TMEM131L: variants seen among roughly 807,000 people sequenced by gnomAD.
TMEM131L encodes the protein transmembrane 131 like, also known as transmembrane protein 131-like.
In TMEM131L, 54 loss-of-function variants were observed where a neutral mutation model predicts 192.2. The observed-to-expected ratio is 0.28, with a 90% CI of 0.23 to 0.35. The LOEUF is 0.35. TMEM131L is among the 10% of genes least tolerant of loss of function. The pLI is 1.00. For synonymous variants in TMEM131L, 701 were observed against 704.9 expected (o/e 0.99, Z 0.09); for missense variants, 1,888 against 1,972.9 (o/e 0.96, Z 0.82).
intron 7 of TMEM131L, among the ~76,000 whole-genome samples, chr4:153,560,197 T>G (rs1208007602): frequency 1.3e-5 from 2 of 152,232 alleles, no homozygotes; most frequent in African/African-American, 4.8e-5. Context: ...GCTTCACTAT[T>G]CTTTTCATCA....
intron 25 of TMEM131L, 98 bp from the exon 26 acceptor site, chr4:153,612,152 ACT>A: frequency 2.5e-6 from 2 of 796,368 alleles, no homozygotes; most frequent in Non-Finnish European, 3.8e-6. Flanking sequence ...ATTTAATTTA[ACT>A]CTCATGAAGT....
At chr4:153,609,413 C>G (rs911325711) in intron 25 of TMEM131L, among the ~76,000 whole-genome samples, 1 of 152,188 alleles carries the variant, frequency 6.6e-6, no homozygotes, top group Non-Finnish European at 1.5e-5. Flanking sequence ...CAGGCCCCTC[C>G]TCCAACATTG....
At chr4:153,626,723 C>G (rs369163650) in intron 30 of TMEM131L, among the ~76,000 whole-genome samples, 53 of 152,356 alleles carry the variant, frequency 3.5e-4, no homozygotes, top group East Asian at 2.7e-3. Context: ...TATGATCACA[C>G]CACTACACTC....
chr4:153,600,837 A>T (rs1184827099), intron 21 of TMEM131L, among the ~76,000 whole-genome samples: 1 of 152,192 alleles, frequency 6.6e-6, no homozygotes, highest in Non-Finnish European at 1.5e-5. Context: ...GAGGCCAGGC[A>T]TGGTGGCTTA....
chr4:153,482,898 A>G (rs941716442), intron 3 of TMEM131L, among the ~76,000 whole-genome samples: 11 of 152,148 alleles, frequency 7.2e-5, no homozygotes, highest in Non-Finnish European at 2.9e-5. Flanking sequence ...GTCCCTAAAA[A>G]CACTTTTGGT....
intron 3 of TMEM131L, among the ~76,000 whole-genome samples, chr4:153,490,969 AAAAAAG>A (rs1732738101): frequency 6.6e-6 from 1 of 151,516 alleles, no homozygotes; most frequent in African/African-American, 2.4e-5. Context: ...AAAAAAAAAA[AAAAAAG>A]AAAGCCTAAA....
chr4:153,484,710 C>T (rs1438418811), intron 3 of TMEM131L, among the ~76,000 whole-genome samples: 11 of 148,534 alleles, frequency 7.4e-5, no homozygotes, highest in South Asian at 2.1e-4. Flanking sequence ...CCTTGTGATC[C>T]GCCCGCCTCG....
intron 25 of TMEM131L, 129 bp from the exon 26 acceptor site, chr4:153,612,123 A>T (rs1244539728): frequency 3.5e-6 from 2 of 579,392 alleles, no homozygotes; most frequent in Non-Finnish European, 5.7e-6. Flanking sequence ...AGCATCATGG[A>T]TGTTAAAAAC....
chr4:153,580,832 A>G lies in TMEM131L; in HGVS notation c.667A>G (p.Thr223Ala), dbSNP rs753518350. 9.9e-6 allele frequency: 16 copies of G among 1,608,580 alleles called. No individual in the cohort carries two copies. The highest frequency in any genetic ancestry group is 1.2e-5 in the Non-Finnish European group (14 of 1,175,592). ...SIQLSQMQAE[T>A]TNTSLLQVQL... ...TCCTTTTTTCTTCTTTTAGGCAGAA[A>G]CCACTAATACTAGCCTCTTGCAGGT... is the stretch of plus-strand genomic sequence containing the variant. Residue 223 changes from threonine to alanine, a missense_variant, in exon 8 of 35, where the codon ACC (threonine) becomes GCC (alanine). Thr to Ala is a moderately conservative substitution (Grantham distance 58). Coordinates refer to ENST00000409959, the MANE Select transcript of TMEM131L (RefSeq NM_001131007.2).
Position 153,598,342 on chromosome 4 carries a change from C to T in TMEM131L, c.2124-248C>T, listed in dbSNP as rs74541325. On this transcript the variant is annotated intron_variant, in intron 20 of 34. Transcript: ENST00000409959. ...TGGGCTGTGGTTGGAAGGGGGTCAT[C>T]ATTGTTTACATGTTCTTGCTGCAGT... Among the ~76,000 whole-genome samples, 138 of 152,002 alleles carry T rather than the reference C, an allele frequency of 9.1e-4. 3 individuals carry two copies. The East Asian group carries it at 0.022, about 24-fold the overall frequency.
chr4:153,582,975 A>G (rs1730462698), intron 9 of TMEM131L, among the ~76,000 whole-genome samples: 1 of 151,890 alleles, frequency 6.6e-6, no homozygotes, highest in Non-Finnish European at 1.5e-5. Flanking sequence ...GTTGGTAGGC[A>G]TTTTTATGAG....
intron 3 of TMEM131L, among the ~76,000 whole-genome samples, chr4:153,534,913 G>C (rs1437138874): frequency 1.3e-5 from 2 of 152,234 alleles, no homozygotes; most frequent in African/African-American, 2.4e-5. Flanking sequence ...TACAGACCTG[G>C]AGAGGGGTGT....
intron 2 of TMEM131L, among the ~76,000 whole-genome samples, chr4:153,469,429 A>AT (rs1730999347): frequency 6.6e-6 from 1 of 152,068 alleles, no homozygotes; most frequent in Non-Finnish European, 1.5e-5. Flanking sequence ...AGTATTTTGA[A>AT]TTTTTTCAGC....
intron 26 of TMEM131L, among the ~76,000 whole-genome samples, chr4:153,615,158 A>C (rs948731673): frequency 2.6e-5 from 4 of 152,234 alleles, no homozygotes; most frequent in Non-Finnish European, 4.4e-5. Context: ...CCTTCTGCAA[A>C]ATAAGGATGA....
At chr4:153,547,871 C>T (rs965922586) in intron 3 of TMEM131L, among the ~76,000 whole-genome samples, 1 of 152,218 alleles carries the variant, frequency 6.6e-6, no homozygotes, top group African/African-American at 2.4e-5. Context: ...TCCTCCAAAC[C>T]TCATCTGTTC....
intron 3 of TMEM131L, among the ~76,000 whole-genome samples, chr4:153,477,377 G>C (rs2149770402): frequency 6.6e-6 from 1 of 152,330 alleles, no homozygotes; most frequent in Admixed American, 6.5e-5. Context: ...AGCCCATAGA[G>C]AGCTGTGTTG....
Position 153,617,221 on chromosome 4 carries a change from A to G in TMEM131L, c.3568-3535A>G, listed in dbSNP as rs147489976. 3.0e-4 allele frequency among the ~76,000 whole-genome samples: 45 copies of G among 152,318 alleles called. 1 individual carries two copies. The East Asian group carries it at 8.1e-3, about 27-fold the overall frequency. On this transcript the variant is annotated intron_variant, in intron 26 of 34. Coordinates refer to ENST00000409959, the MANE Select transcript of TMEM131L (RefSeq NM_001131007.2). ...AAGCTCCCTTCTCTTGTCTGCTGCC[A>G]TGTGAGACCTGCCTTTCACCTTCTG...
chr4:153,482,403 A>G (rs1040260633), intron 3 of TMEM131L, among the ~76,000 whole-genome samples: 3 of 152,190 alleles, frequency 2.0e-5, no homozygotes, highest in Admixed American at 6.5e-5. Flanking sequence ...TTCTTGGTAT[A>G]TATTAAAATT....
chr4:153,629,715 T>G (rs541420310), intron 31 of TMEM131L, among the ~76,000 whole-genome samples: 19 of 152,312 alleles, frequency 1.2e-4, no homozygotes, highest in South Asian at 1.2e-3. Context: ...AGTGCTTGGT[T>G]AAGTCTTTTC....
Sources: gnomAD v4.1 joint callset for allele counts (sites outside exome capture counted in the v4.1 genomes callset) on GRCh38, gnomAD v4.1.1 for gene constraint, MANE v1.5 for transcripts, NCBI Gene and HGNC (gene_info 2026-07-23, HGNC 2026-07-21) for gene names.